Variants in GABPA observed in about 807,000 individuals in gnomAD.
GABPA encodes GA-binding protein alpha chain.
In GABPA, 4 loss-of-function variants were observed where a neutral mutation model predicts 59.4. That is an observed-to-expected ratio of 0.07 (90% CI 0.03 to 0.15). GABPA has a LOEUF of 0.15. Among genes scored for constraint, GABPA ranks in the 10% least tolerant of loss-of-function variants. GABPA has a pLI of 1.00. For missense variants in GABPA, 251 were observed against 543.8 expected, an observed-to-expected ratio of 0.46 and a Z score of 5.36; for synonymous variants, 164 against 183.1, an observed-to-expected ratio of 0.90 and a Z score of 0.84.
intron 1 of GABPA, among the ~76,000 whole-genome samples, chr21:25,736,899 A>G (rs765859439): frequency 1.3e-5 from 2 of 152,224 alleles, no homozygotes; most frequent in Non-Finnish European, 2.9e-5. Flanking sequence ...TCAGACACAG[A>G]AAAGCATTTG....
chr21:25,756,199 TA>T (rs558288393), intron 5 of GABPA, among the ~76,000 whole-genome samples: 171 of 152,312 alleles, frequency 1.1e-3, no homozygotes, highest in African/African-American at 4.0e-3. Flanking sequence ...GAGTTTTTTT[TA>T]TTTTTAAATT....
At position 25,770,892 on chromosome 21, in the gene GABPA, A is replaced by G. The variant is rs926975677; in HGVS notation, c.*1660A>G. ...ATTCATATTATTAAGCTCTTCCTGC[A>G]GTTGATATCTGAGCAGAGTAAGATT... is the stretch of plus-strand genomic sequence containing the variant. On this transcript the variant is annotated 3_prime_UTR_variant, in exon 10 of 10. Coordinates refer to ENST00000400075, the MANE Select transcript of GABPA (RefSeq NM_002040.4). The G allele has an allele frequency of 6.6e-6, 1 of 152,104 alleles. No homozygotes were observed. 9.4% of individuals were successfully genotyped at this position (152,104 alleles called of 1,614,324 possible). A position where few individuals can be genotyped will look rare whatever the true frequency, so the allele number is the denominator to read the frequency against.
chr21:25,770,493 CT>C lies in GABPA; in HGVS notation c.*1265del, dbSNP rs2035987774. Reference sequence around the variant, plus strand: ...AATGGCTAGAAATGTCTTTTTCTTTCTTTTCTCTCTTTGTTGTTTAAGGTAT... The same window carrying C: ...AATGGCTAGAAATGTCTTTTTCTTTCTTTCTCTCTTTGTTGTTTAAGGTAT... On this transcript the variant is annotated 3_prime_UTR_variant, in exon 10 of 10. Transcript: ENST00000400075. The C allele has an allele frequency of 6.6e-6, 1 of 151,750 alleles. No homozygotes were observed. Among genetic ancestry groups the C allele is most frequent in the South Asian group, 2.1e-4 (1 of 4,828 alleles). 9.4% of individuals were successfully genotyped at this position (151,750 alleles called of 1,614,324 possible). A position where few individuals can be genotyped will look rare whatever the true frequency, so the allele number is the denominator to read the frequency against.
At chr21:25,753,784 A>G (rs2829891) in intron 5 of GABPA, among the ~76,000 whole-genome samples, 1 of 152,178 alleles carries the variant, frequency 6.6e-6, no homozygotes, top group Non-Finnish European at 1.5e-5. Context: ...ACCTGAGTGT[A>G]TTTGTAAATG....
At chr21:25,767,323 T>A (rs940880108) in intron 9 of GABPA, among the ~76,000 whole-genome samples, 2 of 151,894 alleles carry the variant, frequency 1.3e-5, no homozygotes, top group Non-Finnish European at 2.9e-5. Flanking sequence ...GTCCTTTTGT[T>A]TGTGTGATAT....
At chr21:25,763,310 C>T (rs2035809153) in intron 7 of GABPA, 1 of 333,524 alleles carries the variant, frequency 3.0e-6, no homozygotes, top group African/African-American at 2.2e-5. Flanking sequence ...TTCTTTTCCG[C>T]TTATGCCATA....
intron 1 of GABPA, among the ~76,000 whole-genome samples, chr21:25,736,262 T>C (rs1283024504): frequency 6.6e-6 from 1 of 152,186 alleles, no homozygotes; most frequent in Non-Finnish European, 1.5e-5. Context: ...GCAAGATGAT[T>C]AGAAATTTAG....
intron 1 of GABPA, 40 bp from the exon 2 acceptor site, chr21:25,741,533 G>A (rs889482524): frequency 2.7e-6 from 3 of 1,113,706 alleles, no homozygotes; most frequent in Non-Finnish European, 3.9e-6. Context: ...TTTCGTTTAT[G>A]TGGATAGTTT....
In GABPA at chr21:25,770,969, T is replaced by C. The variant is rs1287107242; in HGVS notation, c.*1737T>C. On this transcript the variant is annotated 3_prime_UTR_variant, in exon 10 of 10. Transcript: ENST00000400075. ...AGAGAATATATGGACAGATTATTAG[T>C]ACAATTTGGGCACTGTGGTTTTAAG... The C allele has an allele frequency of 6.6e-6, 1 of 152,086 alleles. No homozygotes were observed. The highest frequency in any genetic ancestry group is 1.5e-5 in the Non-Finnish European group (1 of 67,918). The allele number at this position is 152,086 out of a possible 1,614,324, so 9.4% of individuals were successfully genotyped here.
chr21:25,753,076 C>A (rs966872285), intron 5 of GABPA, among the ~76,000 whole-genome samples: 3 of 152,136 alleles, frequency 2.0e-5, no homozygotes, highest in Non-Finnish European at 4.4e-5. Context: ...TTGGTTCCAT[C>A]ATCATTACAT....
intron 1 of GABPA, among the ~76,000 whole-genome samples, chr21:25,740,542 CAAAG>C (rs1285540711): frequency 6.6e-6 from 1 of 152,122 alleles, no homozygotes; most frequent in African/African-American, 2.4e-5. Context: ...GACATGTCCA[CAAAG>C]AAATATCTAT....
At chr21:25,752,372 T>A in intron 5 of GABPA, 138 bp downstream of exon 5, 1 of 926,374 alleles carries the variant, frequency 1.1e-6, no homozygotes, top group Non-Finnish European at 1.6e-6. Context: ...TCTCTTTTAA[T>A]TGTAACGCAC....
At chr21:25,751,151 A>G (rs905242912) in intron 4 of GABPA, among the ~76,000 whole-genome samples, 1 of 152,090 alleles carries the variant, frequency 6.6e-6, no homozygotes, top group Non-Finnish European at 1.5e-5. Flanking sequence ...TCCATTTTGA[A>G]TAGATAAATA....
At chr21:25,758,773 C>T (rs2035696248) in intron 6 of GABPA, among the ~76,000 whole-genome samples, 1 of 151,998 alleles carries the variant, frequency 6.6e-6, no homozygotes, top group East Asian at 1.9e-4. Flanking sequence ...TAAGTTTTTC[C>T]ACTTATAACT....
At chr21:25,759,370 G>A (rs1042312392) in intron 6 of GABPA, among the ~76,000 whole-genome samples, 2 of 151,980 alleles carry the variant, frequency 1.3e-5, no homozygotes, top group Non-Finnish European at 2.9e-5. Flanking sequence ...TCTGGTGGAG[G>A]GATTTTTCCA....
intron 3 of GABPA, among the ~76,000 whole-genome samples, 157 bp from the exon 4 acceptor site, chr21:25,748,879 A>G (rs2035435735): frequency 6.6e-6 from 1 of 152,244 alleles, no homozygotes; most frequent in Non-Finnish European, 1.5e-5. Flanking sequence ...TTGGCAAAGA[A>G]TTAAATATGA....
chr21:25,750,713 C>G (rs1245128924), intron 4 of GABPA, among the ~76,000 whole-genome samples: 1 of 152,164 alleles, frequency 6.6e-6, no homozygotes, highest in Non-Finnish European at 1.5e-5. Context: ...TACTTCTGAT[C>G]CTTAATTCCC....
chr21:25,743,615 C>T (rs1370323660), intron 2 of GABPA, among the ~76,000 whole-genome samples: 4 of 147,246 alleles, frequency 2.7e-5, no homozygotes, highest in Admixed American at 6.8e-5. Context: ...GAAATTGGTA[C>T]TTTAGATATT....
chr21:25,750,871 A>G (rs1056230227), intron 4 of GABPA, among the ~76,000 whole-genome samples: 2 of 152,230 alleles, frequency 1.3e-5, no homozygotes, highest in African/African-American at 4.8e-5. Flanking sequence ...AATAGATTTT[A>G]ACAAAAAATA....
Sources: allele counts gnomAD v4.1 joint callset (sites outside exome capture counted in the v4.1 genomes callset), GRCh38; gene constraint gnomAD v4.1.1; transcripts MANE v1.5; gene names NCBI Gene and HGNC (gene_info 2026-07-23, HGNC 2026-07-21).